PDIK1L: variants seen among roughly 807,000 people sequenced by gnomAD.
The protein encoded by PDIK1L is serine/threonine-protein kinase PDIK1L.
In PDIK1L, 9 loss-of-function variants were observed where a neutral mutation model predicts 27.1. That is an observed-to-expected ratio of 0.33 (90% CI 0.20 to 0.58). The LOEUF (loss-of-function observed/expected upper bound fraction) is 0.58. Among genes scored for constraint, PDIK1L ranks in the 20% least tolerant of loss-of-function variants. The pLI is 0.86. For missense variants in PDIK1L, 216 were observed against 413.2 expected (o/e 0.52, Z 4.14); for synonymous variants, 130 against 141.7 (o/e 0.92, Z 0.59).
rs940687418 is a variant in PDIK1L at position 26,123,118 on chromosome 1, A to G, written c.*541A>G. On this transcript the variant is annotated 3_prime_UTR_variant, in exon 3 of 3. Transcript: ENST00000374269. Reference sequence around the variant, plus strand: ...TTGCTGGTGAAGTCAGTGACGAAAAATAAACCTTCCCTTATCTTCCTACTC... The same window carrying G: ...TTGCTGGTGAAGTCAGTGACGAAAAGTAAACCTTCCCTTATCTTCCTACTC... 16 of 152,270 alleles carry G rather than the reference A, an allele frequency of 1.1e-4. 1 individual carries two copies. Among genetic ancestry groups the G allele is most frequent in the Admixed American group, 9.2e-4 (14 of 15,234 alleles). The allele number at this position is 152,270 out of a possible 1,614,324, so 9.4% of individuals were successfully genotyped here. A position where few individuals can be genotyped will look rare whatever the true frequency, so the allele number is the denominator to read the frequency against.
chr1:26,122,561 G>A lies in PDIK1L; in HGVS notation c.1010G>A (p.Ser337Asn). Residue 337 changes from serine (S) to asparagine (N), a missense_variant, in exon 3 of 3, where the codon AGC becomes AAC. Ser to Asn is a conservative substitution (Grantham distance 46, BLOSUM62 1). This residue lies in a region of PDIK1L where 169 missense variants were observed against 366.0 expected (regional missense o/e 0.46). Coordinates refer to ENST00000374269, the MANE Select transcript of PDIK1L (RefSeq NM_152835.5). This position sits in a 1 kb window ranked among gnomAD's most constrained non-coding sequence, Gnocchi z 5.4. The part of the protein sequence containing the change: ...LRLVQIAFKD[S>N]SWET ...TTAGTACAAATTGCATTTAAAGATAGCAGCTGGGAAACGTGACACATATTA... is the reference window on the plus strand; with the variant it reads ...TTAGTACAAATTGCATTTAAAGATAACAGCTGGGAAACGTGACACATATTA... 6.2e-7 allele frequency: 1 copy of A among 1,603,446 alleles called. No individual in the cohort carries two copies. Among genetic ancestry groups the A allele is most frequent in the Non-Finnish European group, 8.5e-7 (1 of 1,173,602 alleles).
Position 26,114,701 on chromosome 1 carries a change from T to C in PDIK1L, c.285+108T>C. 1 of 1,200,696 alleles carries C rather than the reference T, an allele frequency of 8.3e-7. No individual in the cohort carries two copies. Among genetic ancestry groups the C allele is most frequent in the Non-Finnish European group, 1.2e-6 (1 of 859,072 alleles). 74.4% of individuals were successfully genotyped at this position (1,200,696 alleles called of 1,614,324 possible). On this transcript the variant is annotated intron_variant, in intron 2 of 2. Coordinates refer to ENST00000374269, the MANE Select transcript of PDIK1L (RefSeq NM_152835.5). This position sits in a 1 kb window ranked among gnomAD's most constrained non-coding sequence, Gnocchi z 4.8. ...GTTTCCCTTTAAATGCAGGTGTTTG[T>C]AGTTAGAAGTAGATAAGTGTCTGCC...
intron 2 of PDIK1L, among the ~76,000 whole-genome samples, chr1:26,119,960 T>C (rs934113503): frequency 2.0e-5 from 3 of 152,200 alleles, no homozygotes; most frequent in African/African-American, 4.8e-5. Context: ...TCATAACCCA[T>C]GTTAAAGAGT....
chr1:26,113,020 C>T lies in PDIK1L; in HGVS notation c.-18+1105C>T, dbSNP rs527949498. ...TCCCAAGAACTCTGTCAGAGAGCCCCTTGATATGCAGGATCTTTGTTGGCA... is the reference window on the plus strand; with the variant it reads ...TCCCAAGAACTCTGTCAGAGAGCCCTTTGATATGCAGGATCTTTGTTGGCA... On this transcript the variant is annotated intron_variant, in intron 1 of 2. Coordinates refer to ENST00000374269, the MANE Select transcript of PDIK1L (RefSeq NM_152835.5). Among the ~76,000 whole-genome samples the T allele has an allele frequency of 3.3e-5, 5 of 152,282 alleles. No homozygotes were observed. The South Asian group carries it at 1.0e-3, about 32-fold the overall frequency.
At chr1:26,121,019 C>T (rs921617705) in intron 2 of PDIK1L, among the ~76,000 whole-genome samples, 40 of 149,828 alleles carry the variant, frequency 2.7e-4, no homozygotes, top group Non-Finnish European at 4.1e-4. Context: ...TGAAGTAATT[C>T]TATTGAATTT....
At chr1:26,117,335 G>T (rs375724448) in intron 2 of PDIK1L, among the ~76,000 whole-genome samples, 2 of 152,058 alleles carry the variant, frequency 1.3e-5, no homozygotes, top group African/African-American at 4.8e-5. Context: ...CCCAGCCAAT[G>T]CCCTGAAGTT....
chr1:26,118,757 GCAA>G (rs1349727344), intron 2 of PDIK1L, among the ~76,000 whole-genome samples: 3 of 152,098 alleles, frequency 2.0e-5, no homozygotes, highest in Non-Finnish European at 4.4e-5. Context: ...AACACATTTA[GCAA>G]GTGCCCTCTC....
rs115559253 is a variant in PDIK1L at position 26,114,201 on chromosome 1, T to A, written c.-17-91T>A. ...AATATCCTTCAAGCACTGCAGACAG[T>A]CAGACAGATGACAAGTAAATCATAC... On this transcript the variant is annotated intron_variant, in intron 1 of 2. Coordinates refer to ENST00000374269, the MANE Select transcript of PDIK1L (RefSeq NM_152835.5). The surrounding 1 kb of genome is among the most constrained non-coding windows in gnomAD (Gnocchi z 4.8). 2.0e-3 allele frequency: 2,542 copies of A among 1,289,440 alleles called. 37 individuals are homozygous for A. In the African/African-American group the frequency reaches 0.033, roughly 17 times the overall value. The allele number at this position is 1,289,440 out of a possible 1,614,324, so 79.9% of individuals were successfully genotyped here.
intron 2 of PDIK1L, among the ~76,000 whole-genome samples, chr1:26,119,568 A>T (rs2087941597): frequency 6.6e-6 from 1 of 151,726 alleles, no homozygotes; most frequent in Non-Finnish European, 1.5e-5. Context: ...AGTGTTTAAA[A>T]ATTGAAAGAA....
chr1:26,118,277 C>T (rs1363299181), intron 2 of PDIK1L, among the ~76,000 whole-genome samples: 1 of 152,020 alleles, frequency 6.6e-6, no homozygotes, highest in African/African-American at 2.4e-5. Flanking sequence ...GCCATGATCG[C>T]ACCACTGCAC....
chr1:26,121,105 AAAG>A (rs1357746082), intron 2 of PDIK1L, among the ~76,000 whole-genome samples: 2 of 152,258 alleles, frequency 1.3e-5, no homozygotes, highest in African/African-American at 4.8e-5. Flanking sequence ...AGCTTGTATG[AAAG>A]AAGAAATATA....
intron 1 of PDIK1L, chr1:26,112,720 C>T (rs750848772): frequency 6.6e-6 from 1 of 152,234 alleles, no homozygotes; most frequent in Admixed American, 6.5e-5. Flanking sequence ...TTAAATCTAT[C>T]CTGTAGACTT....
At chr1:26,113,269 C>G (rs1026520933) in intron 1 of PDIK1L, among the ~76,000 whole-genome samples, 1 of 151,992 alleles carries the variant, frequency 6.6e-6, no homozygotes, top group South Asian at 2.1e-4. Context: ...GCGGGCGGAT[C>G]ACGAGGTCAG....
chr1:26,122,917 T>A lies in PDIK1L; in HGVS notation c.*340T>A, dbSNP rs1414669414. 1 of 174,334 alleles carries A rather than the reference T, an allele frequency of 5.7e-6. No homozygotes were observed. The highest frequency in any genetic ancestry group is 2.4e-5 in the African/African-American group (1 of 42,070). The allele number at this position is 174,334 out of a possible 1,614,324, so 10.8% of individuals were successfully genotyped here. A position where few individuals can be genotyped will look rare whatever the true frequency, so the allele number is the denominator to read the frequency against. On this transcript the variant is annotated 3_prime_UTR_variant, in exon 3 of 3. Coordinates refer to ENST00000374269, the MANE Select transcript of PDIK1L (RefSeq NM_152835.5). The surrounding 1 kb of genome is among the most constrained non-coding windows in gnomAD (Gnocchi z 5.4). ...GACATTCCTCGTCAGTATTAGGAATTTCCATGGGAAAAGAGGTTTGCATGC... is the reference window on the plus strand; with the variant it reads ...GACATTCCTCGTCAGTATTAGGAATATCCATGGGAAAAGAGGTTTGCATGC...
rs2088037644 is a variant in PDIK1L, at chr1:26,124,117, A to G, written c.*1540A>G. ...AATCTCAGCTTTTTTGAACTTCCAC[A>G]ATTTTTGGAATATGTCATAATTTTT... On this transcript the variant is annotated 3_prime_UTR_variant, in exon 3 of 3. Coordinates refer to ENST00000374269, the MANE Select transcript of PDIK1L (RefSeq NM_152835.5). The G allele has an allele frequency of 6.6e-6, 1 of 152,604 alleles. No homozygotes were observed. Among genetic ancestry groups the G allele is most frequent in the African/African-American group, 2.4e-5 (1 of 41,448 alleles). The allele number at this position is 152,604 out of a possible 1,614,324, so 9.5% of individuals were successfully genotyped here. A position where few individuals can be genotyped will look rare whatever the true frequency, so the allele number is the denominator to read the frequency against.
chr1:26,120,958 A>T (rs2087974344), intron 2 of PDIK1L, among the ~76,000 whole-genome samples: 1 of 151,904 alleles, frequency 6.6e-6, no homozygotes, highest in Non-Finnish European at 1.5e-5. Context: ...CTCAAAAAAA[A>T]AAAAAAAAAA....
Position 26,122,704 on chromosome 1 carries a change from ATT to A in PDIK1L, c.*136_*137del. 1 of 1,115,288 alleles carries A rather than the reference ATT, an allele frequency of 9.0e-7. No homozygotes were observed. Among genetic ancestry groups the A allele is most frequent in the Non-Finnish European group, 1.2e-6 (1 of 855,472 alleles). The allele number at this position is 1,115,288 out of a possible 1,614,324, so 69.1% of individuals were successfully genotyped here. On this transcript the variant is annotated 3_prime_UTR_variant, in exon 3 of 3. Coordinates refer to ENST00000374269, the MANE Select transcript of PDIK1L (RefSeq NM_152835.5). The surrounding 1 kb of genome is among the most constrained non-coding windows in gnomAD (Gnocchi z 5.4). ...TCTAAGGGTTTAGATTTTTTGTGGGATTTTTTTTTTCCTCATTTTTCTTAAAT... is the reference window on the plus strand; with the variant it reads ...TCTAAGGGTTTAGATTTTTTGTGGGATTTTTTTTCCTCATTTTTCTTAAAT...
Position 26,114,726 on chromosome 1 carries a change from C to T in PDIK1L, c.285+133C>T, listed in dbSNP as rs2087852111. On this transcript the variant is annotated intron_variant, in intron 2 of 2. Transcript: ENST00000374269. This position sits in a 1 kb window ranked among gnomAD's most constrained non-coding sequence, Gnocchi z 4.8. The stretch of plus-strand genomic sequence containing the variant: ...TAGTTAGAAGTAGATAAGTGTCTGC[C>T]AAGAATTGAGTAGATGTTTGCTTTA... The T allele has an allele frequency of 9.9e-7, 1 of 1,010,572 alleles. No individual in the cohort carries two copies. The highest frequency in any genetic ancestry group is 1.4e-6 in the Non-Finnish European group (1 of 699,160). 62.6% of individuals were successfully genotyped at this position (1,010,572 alleles called of 1,614,324 possible).
At position 26,123,114 on chromosome 1, in the gene PDIK1L, A is replaced by G. The variant is rs1280037163; in HGVS notation, c.*537A>G. ...AGATTTGCTGGTGAAGTCAGTGACG[A>G]AAAATAAACCTTCCCTTATCTTCCT... On this transcript the variant is annotated 3_prime_UTR_variant, in exon 3 of 3. Coordinates refer to ENST00000374269, the MANE Select transcript of PDIK1L (RefSeq NM_152835.5). 6.6e-6 allele frequency: 1 copy of G among 152,498 alleles called. No homozygotes were observed. Among genetic ancestry groups the G allele is most frequent in the Non-Finnish European group, 1.5e-5 (1 of 68,024 alleles). 9.4% of individuals were successfully genotyped at this position (152,498 alleles called of 1,614,324 possible).
Sources: allele counts gnomAD v4.1 joint callset (sites outside exome capture counted in the v4.1 genomes callset), GRCh38; gene constraint gnomAD v4.1.1; regional missense constraint gnomAD v4.1.1; non-coding constraint Gnocchi (gnomAD v3.1); transcripts MANE v1.5; gene names NCBI Gene and HGNC (gene_info 2026-07-23, HGNC 2026-07-21).